The following LRRC9 variants were observed in gnomAD, a reference collection of about 807,000 sequenced individuals.
LRRC9 encodes the protein leucine rich repeat containing 9, also known as leucine-rich repeat-containing protein 9.
A neutral mutation model predicts 63.2 loss-of-function variants in LRRC9; 122 were observed. The ratio of observed to expected loss-of-function variants is 1.93; its 90% CI spans 1.67 to 2.24. The LOEUF is 2.24. LRRC9 is among the 30% of genes most tolerant of loss of function. The pLI is 0.00. For missense variants in LRRC9, 1,071 were observed against 627.7 expected (o/e 1.71, Z -7.55); for synonymous variants, 366 against 213.1 (o/e 1.72, Z -6.25).
chr14:59,934,803 A>T (rs1311795170), intron 6 of LRRC9, among the ~76,000 whole-genome samples: 1 of 152,156 alleles, frequency 6.6e-6, no homozygotes, highest in Non-Finnish European at 1.5e-5. Flanking sequence ...AAACAAACCA[A>T]CAAAAAACCT....
intron 12 of LRRC9, among the ~76,000 whole-genome samples, chr14:59,969,994 CAT>C (rs1301365698): frequency 6.6e-6 from 1 of 152,062 alleles, no homozygotes; most frequent in Non-Finnish European, 1.5e-5. Context: ...TTCAGGGTTA[CAT>C]GTGTAGGTTT....
chr14:59,985,260 C>T, intron 17 of LRRC9, 36 bp downstream of exon 17: 1 of 592,072 alleles, frequency 1.7e-6, no homozygotes, highest in South Asian at 2.1e-5. Context: ...AAAAGTGAAA[C>T]TCATAGAAGC....
chr14:59,936,821 C>T lies in LRRC9; in HGVS notation c.544-1569C>T, dbSNP rs900011332. On this transcript the variant is annotated intron_variant, in intron 6 of 31. Transcript: ENST00000445360. The surrounding 1 kb of genome is among the most constrained non-coding windows in gnomAD (Gnocchi z 4.2). ...TTTGGAAATACATTAACCGCCTCAA[C>T]CTGTATTACTCTTGCTTCCAGCAAC... 3.3e-5 allele frequency among the ~76,000 whole-genome samples: 5 copies of T among 152,160 alleles called. No homozygotes were observed. The highest frequency in any genetic ancestry group is 5.9e-5 in the Non-Finnish European group (4 of 68,018).
chr14:60,063,232 A>T (rs1020403606), intron 31 of LRRC9, 91 bp from the exon 33 acceptor site: 2 of 664,604 alleles, frequency 3.0e-6, no homozygotes, highest in African/African-American at 3.6e-5. Flanking sequence ...TAAAATACAG[A>T]AATTATTTAT....
At chr14:59,951,780 G>A (rs958917881) in intron 8 of LRRC9, among the ~76,000 whole-genome samples, 2 of 152,098 alleles carry the variant, frequency 1.3e-5, no homozygotes, top group East Asian at 3.9e-4. Flanking sequence ...GTGTGCCCCT[G>A]CTGGGGGGTA....
intron 17 of LRRC9, among the ~76,000 whole-genome samples, chr14:59,987,559 C>T (rs1887620419): frequency 6.6e-6 from 1 of 151,378 alleles, no homozygotes; most frequent in Non-Finnish European, 1.5e-5. Context: ...TTTCCAGCAG[C>T]CTGGGATTTG....
At chr14:59,941,355 G>C (rs1012808006) in intron 7 of LRRC9, among the ~76,000 whole-genome samples, 1 of 151,308 alleles carries the variant, frequency 6.6e-6, no homozygotes, top group South Asian at 2.1e-4. Context: ...TGAATATATT[G>C]CTTATTCAAA....
intron 18 of LRRC9, among the ~76,000 whole-genome samples, chr14:59,998,401 C>G (rs1394174230): frequency 6.6e-6 from 1 of 151,958 alleles, no homozygotes; most frequent in Non-Finnish European, 1.5e-5. Context: ...AAAAGGAAAT[C>G]TGAACATTAT....
intron 26 of LRRC9, among the ~76,000 whole-genome samples, chr14:60,022,131 A>C (rs992108905): frequency 2.0e-5 from 3 of 151,760 alleles, no homozygotes; most frequent in Non-Finnish European, 4.4e-5. Flanking sequence ...TACACATAGA[A>C]TATTTCTCTA....
At chr14:60,044,541 TGACCCAC>T in intron 29 of LRRC9, among the ~76,000 whole-genome samples, 1 of 152,208 alleles carries the variant, frequency 6.6e-6, no homozygotes, top group South Asian at 2.1e-4. Flanking sequence ...CCTTCTTCAT[TGACCCAC>T]TGGTCATTCA....
At chr14:59,934,290 A>C (rs1263879240) in intron 6 of LRRC9, among the ~76,000 whole-genome samples, 1 of 152,148 alleles carries the variant, frequency 6.6e-6, no homozygotes, top group African/African-American at 2.4e-5. Flanking sequence ...AGTTCTTAGC[A>C]AGCTCAAAAA....
rs1888894806 is a variant in LRRC9 at position 59,922,788 on chromosome 14, G to T, written c.-34+2905G>T. ...TGAAAGTTTAGAATAGTAATGTCAT[G>T]AATCTCGAGTCTCTAGTCCCACTCT... On this transcript the variant is annotated intron_variant, in intron 1 of 31. Coordinates refer to ENST00000445360, the Ensembl canonical transcript of LRRC9. The surrounding 1 kb of genome is among the most constrained non-coding windows in gnomAD (Gnocchi z 5.3). Among the ~76,000 whole-genome samples, 1 of 152,204 alleles carries T rather than the reference G, an allele frequency of 6.6e-6. No individual in the cohort carries two copies. The highest frequency in any genetic ancestry group is 1.5e-5 in the Non-Finnish European group (1 of 68,036).
intron 13 of LRRC9, among the ~76,000 whole-genome samples, chr14:59,975,721 TA>T (rs1196410253): frequency 6.6e-6 from 1 of 152,216 alleles, no homozygotes; most frequent in Non-Finnish European, 1.5e-5. Flanking sequence ...ATAGTTATCA[TA>T]TAGGAGCTAT....
At chr14:59,954,927 T>G (rs1165208860) in intron 8 of LRRC9, among the ~76,000 whole-genome samples, 1 of 152,206 alleles carries the variant, frequency 6.6e-6, no homozygotes, top group Admixed American at 6.5e-5. Flanking sequence ...ATTGGTTATG[T>G]TTATGTGATG....
chr14:60,046,394 T>C (rs1441030380), intron 29 of LRRC9, among the ~76,000 whole-genome samples: 1 of 152,238 alleles, frequency 6.6e-6, no homozygotes, highest in Non-Finnish European at 1.5e-5. Flanking sequence ...CCAGGGTTTT[T>C]ATAGTTTTGG....
At chr14:59,940,164 A>C (rs1881606868) in intron 7 of LRRC9, among the ~76,000 whole-genome samples, 1 of 152,018 alleles carries the variant, frequency 6.6e-6, no homozygotes, top group Non-Finnish European at 1.5e-5. Context: ...GAATTGTTAG[A>C]CAGTTTCTGA....
In LRRC9 at chr14:60,027,632, T is replaced by A. The variant is rs886932649; in HGVS notation, c.3704-252T>A. 1.6e-4 allele frequency among the ~76,000 whole-genome samples: 24 copies of A among 152,102 alleles called. No individual in the cohort carries two copies. Among genetic ancestry groups the A allele is most frequent in the African/African-American group, 5.8e-4 (24 of 41,444 alleles). On this transcript the variant is annotated intron_variant, in intron 27 of 31. Transcript: ENST00000445360. The surrounding 1 kb of genome is among the most constrained non-coding windows in gnomAD (Gnocchi z 4.0). ...TTAATTACCAAACAGACATATTAGATCAATTCAGTACATTCTGTACATCAC... is the reference window on the plus strand; with the variant it reads ...TTAATTACCAAACAGACATATTAGAACAATTCAGTACATTCTGTACATCAC...
chr14:59,963,340 G>A (rs1410822706), intron 10 of LRRC9, among the ~76,000 whole-genome samples: 1 of 151,966 alleles, frequency 6.6e-6, no homozygotes, highest in East Asian at 1.9e-4. Flanking sequence ...GTGGATTGTT[G>A]CTACTATACC....
At chr14:59,972,122 G>T (rs1439951691) in intron 12 of LRRC9, among the ~76,000 whole-genome samples, 2 of 152,064 alleles carry the variant, frequency 1.3e-5, no homozygotes, top group Non-Finnish European at 2.9e-5. Flanking sequence ...GTCTACTTGT[G>T]ATTCTCCTAA....
Sources: allele counts gnomAD v4.1 joint callset (sites outside exome capture counted in the v4.1 genomes callset), GRCh38; gene constraint gnomAD v4.1.1; non-coding constraint Gnocchi (gnomAD v3.1); transcripts MANE v1.5; gene names NCBI Gene and HGNC (gene_info 2026-07-23, HGNC 2026-07-21).